DSCAML1: variants seen among roughly 807,000 people sequenced by gnomAD.
DSCAML1 encodes the protein DS cell adhesion molecule like 1, also known as cell adhesion molecule DSCAML1.
DSCAML1 carries 38 observed loss-of-function variants against 200.5 expected under a neutral mutation model. The observed-to-expected ratio is 0.19, with a 90% CI of 0.15 to 0.25. The LOEUF (loss-of-function observed/expected upper bound fraction) is 0.25, where lower values mean the gene tolerates loss of function less well. Among genes scored for constraint, DSCAML1 ranks in the 10% least tolerant of loss-of-function variants. The pLI is 1.00. For synonymous variants in DSCAML1, 1,215 were observed against 1,165.0 expected (o/e 1.04, Z -0.87); for missense variants, 2,223 against 2,858.8 (o/e 0.78, Z 5.07).
chr11:117,606,927 C>G (rs946134233), intron 3 of DSCAML1, among the ~76,000 whole-genome samples: 3 of 152,230 alleles, frequency 2.0e-5, no homozygotes, highest in Non-Finnish European at 2.9e-5. Flanking sequence ...GGAGTGTTGA[C>G]TGGTTGAGTC....
At chr11:117,619,326 A>T (rs943631716) in intron 3 of DSCAML1, among the ~76,000 whole-genome samples, 6 of 152,186 alleles carry the variant, frequency 3.9e-5, no homozygotes, top group Non-Finnish European at 5.9e-5. Context: ...GGGGCACCCG[A>T]TGGGCACCCA....
At chr11:117,750,568 C>A (rs892356050) in intron 3 of DSCAML1, among the ~76,000 whole-genome samples, 1 of 152,192 alleles carries the variant, frequency 6.6e-6, no homozygotes, top group South Asian at 2.1e-4. Context: ...GACAAGCACA[C>A]GGGCTGCTGC....
rs1194523397 is a variant in DSCAML1, at chr11:117,532,372, C to T, written c.658+4G>A. 36 of 1,613,096 alleles carry T rather than the reference C, an allele frequency of 2.2e-5. No individual in the cohort carries two copies. Among genetic ancestry groups the T allele is most frequent in the Non-Finnish European group, 2.7e-5 (32 of 1,179,534 alleles). Reference sequence around the variant, plus strand: ...CCCCGTTCTCCCCAGGCCCTCTCCCCTACCTGTCACAGAGAGGCGTGCCCC... The same window carrying T: ...CCCCGTTCTCCCCAGGCCCTCTCCCTTACCTGTCACAGAGAGGCGTGCCCC... On this transcript the variant is annotated splice_donor_region_variant and intron_variant, in intron 4 of 32. Transcript: ENST00000651296.
chr11:117,575,946 G>C (rs2050926781), intron 3 of DSCAML1, among the ~76,000 whole-genome samples: 1 of 152,206 alleles, frequency 6.6e-6, no homozygotes, highest in East Asian at 1.9e-4. Context: ...TGACACCCTT[G>C]TCTGCGCTAC....
chr11:117,505,185 C>T lies in DSCAML1; in HGVS notation c.2063-142G>A. On this transcript the variant is annotated intron_variant, in intron 9 of 32. Coordinates refer to ENST00000651296, the MANE Select transcript of DSCAML1 (RefSeq NM_020693.4). This position sits in a 1 kb window ranked among gnomAD's most constrained non-coding sequence, Gnocchi z 6.7. The stretch of plus-strand genomic sequence containing the variant: ...CGGGCAGTTTCTGAAACCCAAGATG[C>T]TGAGAACTTTTGTTGAGTACTGGGT... The T allele has an allele frequency of 7.5e-7, 1 of 1,325,908 alleles. No individual in the cohort carries two copies. Among genetic ancestry groups the T allele is most frequent in the East Asian group, 2.4e-5 (1 of 42,354 alleles). 82.1% of individuals were successfully genotyped at this position (1,325,908 alleles called of 1,614,324 possible). A position where few individuals can be genotyped will look rare whatever the true frequency, so the allele number is the denominator to read the frequency against.
At chr11:117,536,484 G>A (rs970307588) in intron 3 of DSCAML1, among the ~76,000 whole-genome samples, 8 of 152,232 alleles carry the variant, frequency 5.3e-5, no homozygotes, top group Non-Finnish European at 1.2e-4. Context: ...AGTACCTCCG[G>A]GTCCAGCACC....
Position 117,481,032 on chromosome 11 carries a change from G to A in DSCAML1, c.2656+142C>T, listed in dbSNP as rs542465657. 1.2e-4 allele frequency: 92 copies of A among 768,380 alleles called. 1 individual carries two copies. The South Asian group carries it at 1.4e-3, about 12-fold the overall frequency. The allele number at this position is 768,380 out of a possible 1,614,324, so 47.6% of individuals were successfully genotyped here. ...TACTCTGGGCAGGAGGGCAGGTGGA[G>A]GGAGGCTTTTCCCCAGAAGGCAGTT... On this transcript the variant is annotated intron_variant, in intron 13 of 32. Transcript: ENST00000651296.
chr11:117,540,626 G>C (rs1477946831), intron 3 of DSCAML1, among the ~76,000 whole-genome samples: 2 of 151,634 alleles, frequency 1.3e-5, no homozygotes, highest in Admixed American at 1.3e-4. Context: ...TGAGTGATAG[G>C]TGGGATTTGA....
intron 3 of DSCAML1, among the ~76,000 whole-genome samples, chr11:117,552,833 C>T (rs1418612252): frequency 2.4e-4 from 36 of 152,138 alleles, no homozygotes; most frequent in South Asian, 4.1e-4. Flanking sequence ...ACTCCACTGG[C>T]CTGTTCCCAG....
intron 3 of DSCAML1, among the ~76,000 whole-genome samples, chr11:117,631,565 A>T (rs2052174248): frequency 6.6e-6 from 1 of 152,260 alleles, no homozygotes; most frequent in Non-Finnish European, 1.5e-5. Context: ...CAGTGTCTTC[A>T]GGGACAGTTA....
rs768924386 is a variant in DSCAML1, at chr11:117,524,797, C to T, written c.937+8G>A. The stretch of plus-strand genomic sequence containing the variant: ...ACTGGGGCTGCAGAAGGGGCTTCCC[C>T]GACTCACCAATGACCATGAGGATGC... On this transcript the variant is annotated splice_region_variant and intron_variant, in intron 5 of 32. Transcript: ENST00000651296. The T allele has an allele frequency of 2.5e-5, 39 of 1,569,676 alleles. No individual in the cohort carries two copies. Among genetic ancestry groups the T allele is most frequent in the African/African-American group, 1.9e-4 (14 of 73,842 alleles).
chr11:117,532,331 C>A, intron 4 of DSCAML1, 45 bp downstream of exon 4: 2 of 1,584,776 alleles, frequency 1.3e-6, no homozygotes, highest in South Asian at 1.2e-5. Flanking sequence ...GCCTGGTGTC[C>A]TCCCTTCCCA....
At chr11:117,519,286 G>T (rs543373659) in intron 6 of DSCAML1, among the ~76,000 whole-genome samples, 3 of 152,178 alleles carry the variant, frequency 2.0e-5, no homozygotes, top group East Asian at 1.9e-4. Context: ...GCCTCAGGAG[G>T]GGGTGGTGGC....
chr11:117,442,153 GTA>G (rs1313055267), intron 21 of DSCAML1, among the ~76,000 whole-genome samples: 2 of 152,094 alleles, frequency 1.3e-5, no homozygotes, highest in African/African-American at 4.8e-5. Context: ...GTATGCGTGT[GTA>G]TATGCGTATA....
intron 4 of DSCAML1, among the ~76,000 whole-genome samples, chr11:117,529,378 T>C (rs899266539): frequency 2.6e-5 from 4 of 152,290 alleles, no homozygotes; most frequent in Middle Eastern, 3.4e-3. Context: ...ACGCCTGGCC[T>C]TTCTTAATAG....
At chr11:117,476,008 C>T (rs1484417815) in intron 14 of DSCAML1, among the ~76,000 whole-genome samples, 4 of 152,170 alleles carry the variant, frequency 2.6e-5, no homozygotes, top group Non-Finnish European at 4.4e-5. Flanking sequence ...TATTTTCTTC[C>T]TTTTCCTTTT....
At chr11:117,571,660 C>A (rs1021124684) in intron 3 of DSCAML1, among the ~76,000 whole-genome samples, 8 of 152,000 alleles carry the variant, frequency 5.3e-5, no homozygotes, top group East Asian at 1.9e-4. Context: ...GGGTCCTCAG[C>A]CCGTCCTCCC....
Position 117,521,339 on chromosome 11 carries a change from G to A in DSCAML1, c.1004C>T (p.Ser335Phe), listed in dbSNP as rs2049883761. The change falls in exon 6 of 33, where the codon TCC (serine) becomes TTC (phenylalanine). Residue 335 changes from serine to phenylalanine, a missense_variant. Ser to Phe is a radical substitution (Grantham distance 155). Transcript: ENST00000651296. ...KTGIGSTVIL[S>F]CALTGSPEFT... is the part of the protein sequence containing the mutation. ...CTCTGGGGAGCCCGTCAGGGCACAG[G>A]AGAGGATGACCGTGCTGCCAATGCC... 1 of 1,614,084 alleles carries A rather than the reference G, an allele frequency of 6.2e-7. No individual in the cohort carries two copies. The highest frequency in any genetic ancestry group is 1.7e-5 in the Admixed American group (1 of 60,014).
chr11:117,786,676 T>C (rs867750518), intron 1 of DSCAML1, among the ~76,000 whole-genome samples: 1 of 152,220 alleles, frequency 6.6e-6, no homozygotes, highest in African/African-American at 2.4e-5. Context: ...CCCCATGTCA[T>C]CATCTGTAAT....
Sources: gnomAD v4.1 joint callset for allele counts (sites outside exome capture counted in the v4.1 genomes callset) on GRCh38, gnomAD v4.1.1 for gene constraint, Gnocchi (gnomAD v3.1) non-coding constraint, MANE v1.5 for transcripts, NCBI Gene and HGNC (gene_info 2026-07-23, HGNC 2026-07-21) for gene names.